Variants in GPRIN3 observed in about 807,000 individuals in gnomAD.
GPRIN3 encodes GPRIN family member 3.
Under a neutral mutation model 13.7 loss-of-function variants are expected in GPRIN3, and 12 were observed. The ratio of observed to expected loss-of-function variants is 0.87; its 90% CI spans 0.56 to 1.42. The LOEUF is 1.42. Ranked by LOEUF, GPRIN3 falls within the 40% of genes most tolerant of loss-of-function variation. The pLI is 0.00. For missense variants in GPRIN3, 1,009 were observed against 958.7 expected (o/e 1.05, Z -0.69); for synonymous variants, 377 against 372.7 (o/e 1.01, Z -0.13).
Position 89,247,611 on chromosome 4 carries a change from T to C in GPRIN3, c.*169A>G, listed in dbSNP as rs1011758866. 1 of 549,356 alleles carries C rather than the reference T, an allele frequency of 1.8e-6. No homozygotes were observed. The highest frequency in any genetic ancestry group is 1.9e-5 in the African/African-American group (1 of 51,878). The allele number at this position is 549,356 out of a possible 1,614,324, so 34.0% of individuals were successfully genotyped here. A position where few individuals can be genotyped will look rare whatever the true frequency, so the allele number is the denominator to read the frequency against. ...CTTTCAAATTGAAATGACATTTTTG[T>C]TTATAGAGCTCCAGGTCAAAGGATC... On this transcript the variant is annotated 3_prime_UTR_variant, in exon 2 of 2. Coordinates refer to ENST00000609438, the MANE Select transcript of GPRIN3 (RefSeq NM_198281.3).
rs1722997590 is a variant in GPRIN3, at chr4:89,243,397, G to A, written c.*4383C>T. ...GGACAGGAGATTCAGCATATCCTCT[G>A]TTATTTGCCAGGTGGCAGCAGCTGA... is the stretch of plus-strand genomic sequence containing the variant. On this transcript the variant is annotated 3_prime_UTR_variant, in exon 2 of 2. Transcript: ENST00000609438. 6.6e-6 allele frequency: 1 copy of A among 152,194 alleles called. No homozygotes were observed. The highest frequency in any genetic ancestry group is 6.5e-5 in the Admixed American group (1 of 15,282). 9.4% of individuals were successfully genotyped at this position (152,194 alleles called of 1,614,324 possible).
intron 1 of GPRIN3, among the ~76,000 whole-genome samples, chr4:89,307,042 A>G (rs1157807574): frequency 6.6e-6 from 1 of 152,006 alleles, no homozygotes; most frequent in Non-Finnish European, 1.5e-5. Flanking sequence ...CCCTGATTTA[A>G]TGTGGTTCCA....
In GPRIN3 at chr4:89,298,159, A is replaced by G. The variant is rs111361014; in HGVS notation, c.-124+9456T>C. Among the ~76,000 whole-genome samples the G allele has an allele frequency of 9.7e-3, 1,483 of 152,260 alleles. 25 individuals are homozygous for G. The highest frequency in any genetic ancestry group is 0.034 in the African/African-American group (1,403 of 41,528). ...GAAAGAAATTTCTCGTAGTACACAT[A>G]CCAGCAGACTCTTGTAAGAATTCTA... is the stretch of plus-strand genomic sequence containing the variant. On this transcript the variant is annotated intron_variant, in intron 1 of 1. Transcript: ENST00000609438.
In GPRIN3 at chr4:89,249,285, C is replaced by T; in HGVS notation, c.826G>A (p.Ala276Thr). The change falls in exon 2 of 2, where the codon GCA becomes ACA. Residue 276 changes from alanine to threonine, a missense_variant. Transcript: ENST00000609438. ...QPTPLTSEPS[A>T]CPPGPEKVPL... Reference sequence around the variant, plus strand: ...ACCTTCTCTGGACCTGGGGGACATGCCGAAGGTTCGCTAGTGAGGGGGGTT... The same window carrying T: ...ACCTTCTCTGGACCTGGGGGACATGTCGAAGGTTCGCTAGTGAGGGGGGTT... 6.2e-7 allele frequency: 1 copy of T among 1,614,096 alleles called. No homozygotes were observed. The highest frequency in any genetic ancestry group is 8.5e-7 in the Non-Finnish European group (1 of 1,180,032).
chr4:89,249,666 A>T lies in GPRIN3; in HGVS notation c.445T>A (p.Ser149Thr), dbSNP rs138466419. 366 of 1,614,028 alleles carry T rather than the reference A, an allele frequency of 2.3e-4. No homozygotes were observed. The highest frequency in any genetic ancestry group is 2.9e-4 in the Non-Finnish European group (343 of 1,180,020). The change falls in exon 2 of 2, where the codon TCC (serine) becomes ACC (threonine). Residue 149 changes from serine (S) to threonine (T), a missense_variant. Ser to Thr is a moderately conservative substitution (Grantham distance 58). Transcript: ENST00000609438. ...PGDQPNAITS[S>T]MPEDSLMRSQ... ...CTCATCAGGGAATCTTCAGGCATGG[A>T]TGAGGTGATGGCATTGGGCTGATCA...
intron 1 of GPRIN3, among the ~76,000 whole-genome samples, chr4:89,293,432 A>G (rs1425571465): frequency 6.6e-6 from 1 of 152,218 alleles, no homozygotes; most frequent in Non-Finnish European, 1.5e-5. Flanking sequence ...AGTGTAGTCA[A>G]CAAGTGCAGC....
chr4:89,281,490 G>A (rs1164475918), intron 1 of GPRIN3, among the ~76,000 whole-genome samples: 2 of 152,182 alleles, frequency 1.3e-5, no homozygotes, highest in African/African-American at 4.8e-5. Context: ...ACAGCACTAA[G>A]AGGATGGTAC....
Position 89,249,518 on chromosome 4 carries a change from G to A in GPRIN3, c.593C>T (p.Thr198Ile), listed in dbSNP as rs201125496. 3 of 1,614,186 alleles carry A rather than the reference G, an allele frequency of 1.9e-6. No individual in the cohort carries two copies. In the East Asian group the frequency reaches 6.7e-5, roughly 36 times the overall value. Residue 198 changes from threonine (T) to isoleucine (I), a missense_variant, in exon 2 of 2, where the codon ACA becomes ATA. By Grantham distance (89) the Thr-to-Ile change is moderately conservative (BLOSUM62 -1). Coordinates refer to ENST00000609438, the MANE Select transcript of GPRIN3 (RefSeq NM_198281.3). ...GGCTGCTGTCACTGGAGTCTGCACT[G>A]TTCCCTGGATTGTTTCTGGAGAAGG... ...EFPSPETIQG[T>I]VQTPVTAARV...
chr4:89,283,492 T>C (rs1306774071), intron 1 of GPRIN3, among the ~76,000 whole-genome samples: 2 of 152,100 alleles, frequency 1.3e-5, no homozygotes, highest in Non-Finnish European at 2.9e-5. Flanking sequence ...ACACAGATCA[T>C]GGTACACACA....
At position 89,248,744 on chromosome 4, in the gene GPRIN3, G is replaced by T. The variant is rs1283016168; in HGVS notation, c.1367C>A (p.Ala456Glu). ...TTTCAGGGAGCTAGAATTAGTACCT[G>T]CGAGCTTTTTAGCAGTTGACTCTTC... ...VREESTAKKLAGTNSSSLKAT... is the reference protein window; with the variant it reads ...VREESTAKKLEGTNSSSLKAT... Residue 456 changes from alanine to glutamate, a missense_variant, in exon 2 of 2, where the codon GCA (alanine) becomes GAA (glutamate). Coordinates refer to ENST00000609438, the MANE Select transcript of GPRIN3 (RefSeq NM_198281.3). 1.9e-6 allele frequency: 3 copies of T among 1,614,170 alleles called. No individual in the cohort carries two copies. Among genetic ancestry groups the T allele is most frequent in the East Asian group, 4.5e-5 (2 of 44,872 alleles).
intron 1 of GPRIN3, among the ~76,000 whole-genome samples, chr4:89,266,648 C>A (rs1250455789): frequency 6.6e-6 from 1 of 152,132 alleles, no homozygotes; most frequent in African/African-American, 2.4e-5. Context: ...ACCTAACATT[C>A]TTATTCTTAA....
At chr4:89,274,719 G>A (rs1724046738) in intron 1 of GPRIN3, among the ~76,000 whole-genome samples, 1 of 152,186 alleles carries the variant, frequency 6.6e-6, no homozygotes. Context: ...GCAGCAGAAT[G>A]ATCTGGAAGG....
At chr4:89,293,252 T>C (rs1479383850) in intron 1 of GPRIN3, among the ~76,000 whole-genome samples, 1 of 152,250 alleles carries the variant, frequency 6.6e-6, no homozygotes, top group Non-Finnish European at 1.5e-5. Flanking sequence ...TTTCTCCTTT[T>C]ATGGGCTAGC....
intron 1 of GPRIN3, among the ~76,000 whole-genome samples, chr4:89,279,908 T>A (rs1224055550): frequency 1.3e-5 from 2 of 152,196 alleles, no homozygotes; most frequent in African/African-American, 2.4e-5. Context: ...TGAAAATTCA[T>A]CTCCAGCCAG....
At chr4:89,285,351 T>A (rs75174481) in intron 1 of GPRIN3, among the ~76,000 whole-genome samples, 1 of 150,734 alleles carries the variant, frequency 6.6e-6, no homozygotes, top group Non-Finnish European at 1.5e-5. Flanking sequence ...GTATAATAAT[T>A]AAAAAAAAAG....
At chr4:89,258,032 G>A (rs1723522060) in intron 1 of GPRIN3, among the ~76,000 whole-genome samples, 1 of 151,550 alleles carries the variant, frequency 6.6e-6, no homozygotes, top group South Asian at 2.1e-4. Flanking sequence ...TTTTAGGGGA[G>A]GGAAAATTCT....
chr4:89,295,684 G>A (rs922074721), intron 1 of GPRIN3, among the ~76,000 whole-genome samples: 2 of 152,136 alleles, frequency 1.3e-5, no homozygotes, highest in African/African-American at 4.8e-5. Context: ...ATCAGAGCTA[G>A]AATTGCTCTT....
At chr4:89,271,571 CTTG>C (rs1561206869) in intron 1 of GPRIN3, among the ~76,000 whole-genome samples, 1 of 130,938 alleles carries the variant, frequency 7.6e-6, no homozygotes, top group Non-Finnish European at 1.5e-5. Context: ...ATTTTAAAAA[CTTG>C]TATTTTTTAT....
In GPRIN3 at chr4:89,236,725, G is replaced by C. The variant is rs980520450; in HGVS notation, c.*11055C>G. The C allele has an allele frequency of 6.6e-6, 1 of 152,054 alleles. No individual in the cohort carries two copies. The highest frequency in any genetic ancestry group is 1.5e-5 in the Non-Finnish European group (1 of 68,016). The allele number at this position is 152,054 out of a possible 1,614,324, so 9.4% of individuals were successfully genotyped here. ...ATTCGAAGCTGAGATTTGAACCCAG[G>C]GTCCTTTGATTCCAAGCCCAGATAT... On this transcript the variant is annotated 3_prime_UTR_variant, in exon 2 of 2. Transcript: ENST00000609438.
Sources: gnomAD v4.1 joint callset for allele counts (sites outside exome capture counted in the v4.1 genomes callset) on GRCh38, gnomAD v4.1.1 for gene constraint, MANE v1.5 for transcripts, NCBI Gene and HGNC (gene_info 2026-07-23, HGNC 2026-07-21) for gene names.